Variants in CCDC146 observed in about 807,000 individuals in gnomAD.
CCDC146 encodes the protein coiled-coil domain containing 146.
CCDC146 carries 92 observed loss-of-function variants against 119.3 expected under a neutral mutation model. The ratio of observed to expected loss-of-function variants is 0.77; its 90% CI spans 0.65 to 0.92. CCDC146 has a LOEUF of 0.92. Ranked by LOEUF, CCDC146 falls within the 40% of genes least tolerant of loss-of-function variation. The pLI is 0.00. For missense variants in CCDC146, 1,000 were observed against 1,103.0 expected (o/e 0.91, Z 1.32); for synonymous variants, 372 against 371.8 (o/e 1.00, Z -0.01).
intron 18 of CCDC146, among the ~76,000 whole-genome samples, chr7:77,294,428 T>C (rs192505875): frequency 4.4e-4 from 66 of 150,434 alleles, no homozygotes; most frequent in African/African-American, 1.6e-3. Flanking sequence ...AATAATGTGA[T>C]GCTGAAGCAA....
At chr7:77,198,901 T>A (rs1791925849) in intron 2 of CCDC146, 1 of 459,374 alleles carries the variant, frequency 2.2e-6, no homozygotes, top group Admixed American at 3.9e-5. Flanking sequence ...CATCAAGAAA[T>A]TCTCTCTACT....
At position 77,260,061 on chromosome 7, in the gene CCDC146, G is replaced by T. The variant is rs1340485584; in HGVS notation, c.811G>T (p.Asp271Tyr). The T allele has an allele frequency of 6.2e-6, 10 of 1,604,564 alleles. No individual in the cohort carries two copies. Among genetic ancestry groups the T allele is most frequent in the African/African-American group, 1.3e-5 (1 of 74,262 alleles). ...GGAACAAGAAGTCAAAACGCTAAAT[G>T]ACTCCCTAAAGAAAGTTGAAAACAA... is the stretch of plus-strand genomic sequence containing the variant. ...VLEQEVKTLNDSLKKVENKVS... is the reference protein window; with the variant it reads ...VLEQEVKTLNYSLKKVENKVS... The change falls in exon 8 of 19, where the codon GAC becomes TAC. Residue 271 changes from aspartate (D) to tyrosine (Y), a missense_variant. This residue lies in a region of CCDC146 where 985 missense variants were observed against 1,045.3 expected (regional missense o/e 0.94). Coordinates refer to ENST00000285871, the MANE Select transcript of CCDC146 (RefSeq NM_020879.3).
intron 1 of CCDC146, among the ~76,000 whole-genome samples, chr7:77,139,560 A>T (rs146040515): frequency 1.8e-3 from 280 of 152,342 alleles, no homozygotes; most frequent in Middle Eastern, 3.4e-3. Flanking sequence ...CAGTTGTAAC[A>T]AATGTGCCAC....
At chr7:77,183,722 AG>A (rs1445629092) in intron 2 of CCDC146, among the ~76,000 whole-genome samples, 3 of 152,192 alleles carry the variant, frequency 2.0e-5, no homozygotes, top group African/African-American at 4.8e-5. Flanking sequence ...CTCTCCGCAT[AG>A]TGCTTGCACT....
intron 2 of CCDC146, among the ~76,000 whole-genome samples, chr7:77,213,704 A>G (rs1255532269): frequency 3.3e-5 from 5 of 152,170 alleles, no homozygotes; most frequent in Admixed American, 2.0e-4. Context: ...GCTCCCACTT[A>G]TAAGTTAGAA....
At chr7:77,205,736 C>T (rs35236654) in intron 2 of CCDC146, among the ~76,000 whole-genome samples, 15,678 of 152,284 alleles carry the variant, frequency 0.1, 1,088 homozygotes, top group Non-Finnish European at 0.16. Flanking sequence ...CCAGCCTGGG[C>T]AATACAGTCA....
chr7:77,142,037 T>C (rs1468803194), intron 1 of CCDC146, among the ~76,000 whole-genome samples: 4 of 152,276 alleles, frequency 2.6e-5, no homozygotes, highest in African/African-American at 9.6e-5. Context: ...CTAGGGTTTT[T>C]GTGGTTTTAG....
rs546196073 is a variant in CCDC146 at position 77,178,657 on chromosome 7, A to G, written c.156+10833A>G. Reference sequence around the variant, plus strand: ...CTTTATTTTTCATTGATTGTTTACTACTGTTGTAGCAACTTGATTAAATAT... The same window carrying G: ...CTTTATTTTTCATTGATTGTTTACTGCTGTTGTAGCAACTTGATTAAATAT... On this transcript the variant is annotated intron_variant, in intron 2 of 18. Transcript: ENST00000285871. Among the ~76,000 whole-genome samples the G allele has an allele frequency of 6.6e-5, 10 of 152,342 alleles. No individual in the cohort carries two copies. The South Asian group carries it at 2.1e-3, about 32-fold the overall frequency.
Position 77,278,794 on chromosome 7 carries a change from C to T in CCDC146, c.1483C>T (p.Leu495Phe). ...TGTTAAAGAAATGAAAGCAAAGGAT[C>T]TTGAAATCAGGATACACAAGAAGAA... Reference protein sequence around the residue: ...NIVKEMKAKDLEIRIHKKKKC... With the variant: ...NIVKEMKAKDFEIRIHKKKKC... Residue 495 changes from leucine (L) to phenylalanine (F), a missense_variant, in exon 12 of 19, where the codon CTT (leucine) becomes TTT (phenylalanine). By Grantham distance (22) the Leu-to-Phe change is conservative. This residue lies in a region of CCDC146 where 985 missense variants were observed against 1,045.3 expected (regional missense o/e 0.94). Coordinates refer to ENST00000285871, the MANE Select transcript of CCDC146 (RefSeq NM_020879.3). The T allele has an allele frequency of 6.2e-7, 1 of 1,612,010 alleles. No individual in the cohort carries two copies. The highest frequency in any genetic ancestry group is 1.1e-5 in the South Asian group (1 of 90,794).
chr7:77,174,053 C>A (rs1002105048), intron 2 of CCDC146, among the ~76,000 whole-genome samples: 24 of 152,086 alleles, frequency 1.6e-4, no homozygotes, highest in Non-Finnish European at 2.1e-4. Context: ...TTCCAGGAAC[C>A]TGAGGTCTCC....
intron 17 of CCDC146, among the ~76,000 whole-genome samples, chr7:77,290,842 T>G (rs1793930837): frequency 6.6e-6 from 1 of 152,186 alleles, no homozygotes. Context: ...GCAGCAACAT[T>G]TTTCTAAACA....
chr7:77,260,094 G>A lies in CCDC146; in HGVS notation c.844G>A (p.Ala282Thr), dbSNP rs772217336. 1.2e-6 allele frequency: 2 copies of A among 1,613,858 alleles called. No homozygotes were observed. The highest frequency in any genetic ancestry group is 1.7e-5 in the Admixed American group (1 of 59,976). ...AAAGAAAGTTGAAAACAAGGTTAGT[G>A]CTATAGTGGATGAGAAGGAAAATGT... ...SLKKVENKVS[A>T]IVDEKENVIK... Residue 282 changes from alanine to threonine, a missense_variant, in exon 8 of 19, where the codon GCT becomes ACT. By Grantham distance (58) the Ala-to-Thr change is moderately conservative (BLOSUM62 0). Coordinates refer to ENST00000285871, the MANE Select transcript of CCDC146 (RefSeq NM_020879.3).
intron 1 of CCDC146, among the ~76,000 whole-genome samples, chr7:77,149,342 G>A (rs577141888): frequency 3.9e-4 from 59 of 152,296 alleles, no homozygotes; most frequent in Admixed American, 1.6e-3. Context: ...ATGGATTAAA[G>A]ACCGTCAGCT....
At chr7:77,155,458 G>T (rs1791166298) in intron 1 of CCDC146, among the ~76,000 whole-genome samples, 1 of 151,806 alleles carries the variant, frequency 6.6e-6, no homozygotes, top group South Asian at 2.1e-4. Context: ...CCTGCTTTTG[G>T]CTATTGAAGA....
At chr7:77,275,180 A>T (rs1188462552) in intron 11 of CCDC146, among the ~76,000 whole-genome samples, 1 of 152,118 alleles carries the variant, frequency 6.6e-6, no homozygotes, top group Non-Finnish European at 1.5e-5. Flanking sequence ...AAAGTAGAGT[A>T]CTCACAGAAT....
At chr7:77,230,931 C>G (rs1433774242) in intron 2 of CCDC146, among the ~76,000 whole-genome samples, 1 of 152,182 alleles carries the variant, frequency 6.6e-6, no homozygotes, top group African/African-American at 2.4e-5. Context: ...GTAGTCCCCC[C>G]CACCATCTGC....
intron 9 of CCDC146, among the ~76,000 whole-genome samples, chr7:77,267,014 CAG>C (rs1793418292): frequency 2.2e-5 from 3 of 137,650 alleles, no homozygotes; most frequent in Non-Finnish European, 4.7e-5. Flanking sequence ...TTTTTTGAGA[CAG>C]AGTCTCAGTC....
chr7:77,174,023 T>C (rs1462724572), intron 2 of CCDC146, among the ~76,000 whole-genome samples: 2 of 152,190 alleles, frequency 1.3e-5, no homozygotes, highest in African/African-American at 4.8e-5. Context: ...CACCATATTC[T>C]CAGTCTGATC....
intron 2 of CCDC146, chr7:77,194,975 C>G (rs1213278381): frequency 6.6e-6 from 1 of 152,010 alleles, no homozygotes; most frequent in Non-Finnish European, 1.5e-5. Flanking sequence ...AATCTACCAG[C>G]CAGGGTTGAA....
Sources: gnomAD v4.1 joint callset for allele counts (sites outside exome capture counted in the v4.1 genomes callset) on GRCh38, gnomAD v4.1.1 for gene constraint, gnomAD v4.1.1 regional missense constraint, MANE v1.5 for transcripts, NCBI Gene and HGNC (gene_info 2026-07-23, HGNC 2026-07-21) for gene names.